Variants in SYNE1 observed in about 807,000 individuals in gnomAD.
SYNE1 encodes spectrin repeat containing nuclear envelope protein 1, also known as nesprin-1.
Under a neutral mutation model 1,111.0 loss-of-function variants are expected in SYNE1, and 616 were observed. The observed-to-expected ratio is 0.55, with a 90% confidence interval of 0.52 to 0.59. The LOEUF (loss-of-function observed/expected upper bound fraction) is 0.59. Among genes scored for constraint, SYNE1 ranks in the 20% least tolerant of loss-of-function variants. SYNE1 has a pLI of 0.00. For synonymous variants in SYNE1, 3,855 were observed against 3,825.8 expected, an observed-to-expected ratio of 1.01 and a Z score of -0.28; for missense variants, 10,006 against 10,417.0, an observed-to-expected ratio of 0.96 and a Z score of 1.72.
chr6:152,200,505 C>T (rs61131661), intron 127 of SYNE1, among the ~76,000 whole-genome samples: 3,957 of 152,170 alleles, frequency 0.026, 158 homozygotes, highest in African/African-American at 0.091. Context: ...CTAAGTGATC[C>T]TCCTGCCTCA....
intron 63 of SYNE1, among the ~76,000 whole-genome samples, chr6:152,363,497 CTAAATAAATAAATAAATAAATAAA>C (rs72461138): frequency 2.6e-4 from 37 of 144,250 alleles, no homozygotes; most frequent in Admixed American, 6.9e-4. Flanking sequence ...CCGTCTCAAA[CTAAATAAATAAATAAATAAATAAA>C]TAAATAAATA....
At chr6:152,447,436 A>G (rs777068326) in intron 29 of SYNE1, 22 bp downstream of exon 29, 1 of 1,613,214 alleles carries the variant, frequency 6.2e-7, no homozygotes. Context: ...CTGTCTGTTT[A>G]GAGTGTGAGT....
chr6:152,363,828 A>T (rs2096995928), intron 63 of SYNE1: 2 of 450,566 alleles, frequency 4.4e-6, no homozygotes, highest in African/African-American at 2.0e-5. Flanking sequence ...GTCTCTAAAT[A>T]CTCCAGATCC....
At chr6:152,339,109 T>G in intron 75 of SYNE1, 132 bp downstream of exon 75, 1 of 1,206,914 alleles carries the variant, frequency 8.3e-7, no homozygotes, top group Non-Finnish European at 1.2e-6. Flanking sequence ...ATCTATTTAT[T>G]ATAATGGCTG....
Position 152,391,404 on chromosome 6 carries a change from T to A in SYNE1, c.7877A>T (p.His2626Leu), listed in dbSNP as rs1484529155. The change falls in exon 52 of 146, where the codon CAC (histidine) becomes CTC (leucine). Residue 2626 changes from histidine (H) to leucine (L), a missense_variant. His to Leu is a moderately conservative substitution (Grantham distance 99). Transcript: ENST00000367255. ...TTGCAGTGCTTCCTCCAGGGCTTCG[T>A]GCTCCTGAAGGGCCACCTGGCAGCT... ...LRSCQVALQE[H>L]EALEEALQSM... 6.2e-7 allele frequency: 1 copy of A among 1,614,008 alleles called. No homozygotes were observed.
chr6:152,560,034 G>A (rs1184947104), intron 3 of SYNE1, among the ~76,000 whole-genome samples: 3 of 151,950 alleles, frequency 2.0e-5, no homozygotes, highest in East Asian at 3.9e-4. Context: ...TTCCAGACAC[G>A]TACAATCTAC....
rs1178005398 is a variant in SYNE1, at chr6:152,451,073, T to A, written c.3160A>T (p.Ser1054Cys). The change falls in exon 26 of 146, where the codon AGT (serine) becomes TGT (cysteine). Residue 1054 changes from serine (S) to cysteine (C), a missense_variant. Transcript: ENST00000367255. ...RETKLMPQEG[S>C]EKIIKEHRVF... Reference sequence around the variant, plus strand: ...CTGTGCTCTTTAATTATCTTTTCACTGCCTTCCTGGGGCATCAGCTTGGTC... The same window carrying A: ...CTGTGCTCTTTAATTATCTTTTCACAGCCTTCCTGGGGCATCAGCTTGGTC... 1 of 1,614,196 alleles carries A rather than the reference T, an allele frequency of 6.2e-7. No individual in the cohort carries two copies. The highest frequency in any genetic ancestry group is 1.1e-5 in the South Asian group (1 of 91,082).
At chr6:152,289,580 G>A (rs952017897) in intron 95 of SYNE1, among the ~76,000 whole-genome samples, 2 of 152,078 alleles carry the variant, frequency 1.3e-5, no homozygotes, top group African/African-American at 4.8e-5. Flanking sequence ...TAGTAGAGAT[G>A]GGGTTTCAGC....
intron 51 of SYNE1, 72 bp downstream of exon 51, chr6:152,395,444 A>AAACC (rs1181586567): frequency 1.7e-5 from 27 of 1,544,792 alleles, no homozygotes; most frequent in African/African-American, 1.2e-4. Flanking sequence ...AATCAAAACC[A>AAACC]AACCAACCAA....
chr6:152,364,690 A>G (rs995172499), intron 63 of SYNE1, among the ~76,000 whole-genome samples, 157 bp downstream of exon 63: 1 of 89,688 alleles, frequency 1.1e-5, no homozygotes, highest in Non-Finnish European at 2.6e-5. Flanking sequence ...AGGAAGGAGG[A>G]AGGAAGGAAG....
intron 127 of SYNE1, among the ~76,000 whole-genome samples, chr6:152,200,003 A>G (rs978964244): frequency 1.3e-5 from 2 of 152,224 alleles, no homozygotes; most frequent in African/African-American, 4.8e-5. Context: ...CATTTCTTCT[A>G]ATACTTCTAA....
At chr6:152,606,978 CTTTT>C (rs71017544) in intron 3 of SYNE1, among the ~76,000 whole-genome samples, 1 of 62,210 alleles carries the variant, frequency 1.6e-5, no homozygotes, top group Non-Finnish European at 2.8e-5. Flanking sequence ...CCTCGGTTCT[CTTTT>C]TTTTTTTTTT....
chr6:152,504,253 C>A (rs1033548380), intron 9 of SYNE1, among the ~76,000 whole-genome samples: 1 of 152,212 alleles, frequency 6.6e-6, no homozygotes, highest in South Asian at 2.1e-4. Flanking sequence ...GGGGTGGGGG[C>A]AGAGTGGGAC....
In SYNE1 at chr6:152,232,937, G is replaced by A. The variant is rs571071944; in HGVS notation, c.20713-672C>T. Among the ~76,000 whole-genome samples the A allele has an allele frequency of 1.8e-4, 27 of 152,320 alleles. No homozygotes were observed. In the South Asian group the frequency reaches 3.7e-3, roughly 21 times the overall value. Reference sequence around the variant, plus strand: ...GGGTTGGTTCCTGCCCTCTGGGGGCGCACAGCTGTTGCTTAGGAGAGATTA... The same window carrying A: ...GGGTTGGTTCCTGCCCTCTGGGGGCACACAGCTGTTGCTTAGGAGAGATTA... On this transcript the variant is annotated intron_variant, in intron 112 of 145. Coordinates refer to ENST00000367255, the MANE Select transcript of SYNE1 (RefSeq NM_182961.4).
intron 93 of SYNE1, among the ~76,000 whole-genome samples, chr6:152,295,412 A>C (rs1035904714): frequency 4.6e-5 from 7 of 151,678 alleles, no homozygotes; most frequent in African/African-American, 1.7e-4. Context: ...ATTGATCCTC[A>C]CTCACTCCCA....
rs973053689 is a variant in SYNE1 at position 152,614,910 on chromosome 6, C to T, written c.67+13355G>A. On this transcript the variant is annotated intron_variant, in intron 3 of 145. Transcript: ENST00000367255. ...GAAAACCAAATACCAAATGTTCTCA[C>T]TCATAGGTGGGAACTGAACAATGAG... is the stretch of plus-strand genomic sequence containing the variant. Among the ~76,000 whole-genome samples, 17 of 152,260 alleles carry T rather than the reference C, an allele frequency of 1.1e-4. 3 individuals carry two copies. Among genetic ancestry groups the T allele is most frequent in the Admixed American group, 8.5e-4 (13 of 15,304 alleles).
chr6:152,183,259 G>C (rs752064966), intron 128 of SYNE1, among the ~76,000 whole-genome samples: 1 of 152,060 alleles, frequency 6.6e-6, no homozygotes, highest in African/African-American at 2.4e-5. Flanking sequence ...TTAAAATCCC[G>C]GTTCAATTGA....
intron 2 of SYNE1, among the ~76,000 whole-genome samples, chr6:152,635,706 A>G (rs1235924657): frequency 6.6e-6 from 1 of 152,240 alleles, no homozygotes; most frequent in Admixed American, 6.5e-5. Flanking sequence ...GGCATTAAAG[A>G]AGAGAAAAAT....
chr6:152,194,923 T>C (rs2153276178), intron 127 of SYNE1, among the ~76,000 whole-genome samples: 1 of 150,854 alleles, frequency 6.6e-6, no homozygotes, highest in African/African-American at 2.5e-5. Flanking sequence ...TTTATTTTTT[T>C]ATTTTTTATT....
Sources: allele counts gnomAD v4.1 joint callset (sites outside exome capture counted in the v4.1 genomes callset), GRCh38; gene constraint gnomAD v4.1.1; transcripts MANE v1.5; gene names NCBI Gene and HGNC (gene_info 2026-07-23, HGNC 2026-07-21).